WNT16: variants seen among roughly 807,000 people sequenced by gnomAD.
The protein encoded by WNT16 is protein Wnt-16.
WNT16 carries 20 observed loss-of-function variants against 35.4 expected under a neutral mutation model. The observed-to-expected ratio is 0.56, with a 90% confidence interval of 0.40 to 0.82. The LOEUF (loss-of-function observed/expected upper bound fraction) is 0.82, where lower values mean the gene tolerates loss of function less well. Among genes scored for constraint, WNT16 ranks in the 40% least tolerant of loss-of-function variants. The probability of loss-of-function intolerance (pLI) is 0.00; values close to 1 mark genes in which losing one functional copy is unlikely to be tolerated. For missense variants in WNT16, 461 were observed against 466.0 expected, an observed-to-expected ratio of 0.99 and a Z score of 0.10; for synonymous variants, 180 against 179.2, an observed-to-expected ratio of 1.00 and a Z score of -0.03.
chr7:121,325,503 GAACAA>G, upstream of WNT16: 1 of 1,606,458 alleles, frequency 6.2e-7, no homozygotes, highest in Non-Finnish European at 8.5e-7. Context: ...TATTTTTGGA[GAACAA>G]AACAACTTTT....
chr7:121,338,514 G>A (rs1284531008), intron 3 of WNT16, among the ~76,000 whole-genome samples: 2 of 152,152 alleles, frequency 1.3e-5, no homozygotes, highest in Non-Finnish European at 2.9e-5. Context: ...AATGGTATCA[G>A]GAACATACAG....
intron 3 of WNT16, among the ~76,000 whole-genome samples, chr7:121,333,202 T>G (rs1584677798): frequency 6.6e-6 from 1 of 152,084 alleles, no homozygotes; most frequent in East Asian, 1.9e-4. Context: ...TATCTCTTAG[T>G]AATCTTAAAA....
intron 3 of WNT16, among the ~76,000 whole-genome samples, chr7:121,335,566 C>T (rs1793430366): frequency 6.6e-6 from 1 of 152,028 alleles, no homozygotes; most frequent in African/African-American, 2.4e-5. Flanking sequence ...ACACAGCACT[C>T]ATTCCTTTGC....
rs1793312847 is a variant in WNT16, at chr7:121,329,958, A to C, written c.346+141A>C. On this transcript the variant is annotated intron_variant, in intron 2 of 3. Transcript: ENST00000222462. ...GAAGCCCTTTAGTGCACGGGGATTG[A>C]GAGCTACAAAGGCCAGACCTGGGGA... is the stretch of plus-strand genomic sequence containing the variant. The C allele has an allele frequency of 9.9e-6, 13 of 1,318,364 alleles. 1 individual carries two copies. In the South Asian group the frequency reaches 1.8e-4, roughly 18 times the overall value. The allele number at this position is 1,318,364 out of a possible 1,614,324, so 81.7% of individuals were successfully genotyped here.
In WNT16 at chr7:121,329,752, TCAC is replaced by T. The variant is rs1391109906; in HGVS notation, c.283_285del (p.Thr95del). 2 of 1,608,744 alleles carry T rather than the reference TCAC, an allele frequency of 1.2e-6. No individual in the cohort carries two copies. Among genetic ancestry groups the T allele is most frequent in the African/African-American group, 1.3e-5 (1 of 74,902 alleles). On this transcript the variant is annotated inframe_deletion, in exon 2 of 4. Transcript: ENST00000222462. ...AGACACGAGAGATGGAACTGCATGA[TCAC>T]CGCCGCCGCCACTACCGCCCCGATG...
chr7:121,329,847 G>T, intron 2 of WNT16, 30 bp downstream of exon 2: 1 of 1,590,488 alleles, frequency 6.3e-7, no homozygotes, highest in South Asian at 1.1e-5. Context: ...GGGTTGGTGG[G>T]GGACGGAAGG....
chr7:121,331,056 G>A (rs186088091), intron 2 of WNT16, among the ~76,000 whole-genome samples: 3 of 152,274 alleles, frequency 2.0e-5, no homozygotes, highest in Admixed American at 2.0e-4. Context: ...CTTTAAGACT[G>A]TAAGAGGAGT....
intron 3 of WNT16, among the ~76,000 whole-genome samples, chr7:121,335,986 T>G (rs13242558): frequency 2.9e-5 from 4 of 140,296 alleles, no homozygotes; most frequent in Admixed American, 1.5e-4. Flanking sequence ...GAATTAAACT[T>G]TGTGTGTGTG....
chr7:121,325,810 G>T (rs1340278137), upstream of WNT16, among the ~76,000 whole-genome samples: 1 of 152,034 alleles, frequency 6.6e-6, no homozygotes, highest in Admixed American at 6.6e-5. Flanking sequence ...GGAGGCTGAG[G>T]CAGGAGGATT....
chr7:121,335,958 C>A (rs931390355), intron 3 of WNT16, among the ~76,000 whole-genome samples: 1 of 150,258 alleles, frequency 6.7e-6, no homozygotes, highest in African/African-American at 2.5e-5. Context: ...CTCTGAGAAG[C>A]AGAATTCTAA....
At chr7:121,330,706 CG>C (rs1793330607) in intron 2 of WNT16, among the ~76,000 whole-genome samples, 1 of 115,324 alleles carries the variant, frequency 8.7e-6, no homozygotes, top group Non-Finnish European at 1.7e-5. Context: ...CCCTGGTCCC[CG>C]TAGAGAGAAA....
At chr7:121,333,930 C>T (rs569524561) in intron 3 of WNT16, among the ~76,000 whole-genome samples, 14 of 151,946 alleles carry the variant, frequency 9.2e-5, no homozygotes, top group South Asian at 4.1e-4. Context: ...TAGTAACATT[C>T]GGCAGCTATT....
At position 121,329,227 on chromosome 7, in the gene WNT16, C is replaced by T. The variant is rs1793294101; in HGVS notation, c.-66C>T. 4.9e-5 allele frequency: 72 copies of T among 1,466,482 alleles called. No individual in the cohort carries two copies. The highest frequency in any genetic ancestry group is 6.3e-5 in the Non-Finnish European group (70 of 1,110,592). 90.8% of individuals were successfully genotyped at this position (1,466,482 alleles called of 1,614,324 possible). A position where few individuals can be genotyped will look rare whatever the true frequency, so the allele number is the denominator to read the frequency against. ...GGTGCTGGACAACTGACCTGCGGCC[C>T]GAAGGGCCTCTGGGGAGGGGGTGCA... On this transcript the variant is annotated 5_prime_UTR_variant, in exon 1 of 4. Coordinates refer to ENST00000222462, the MANE Select transcript of WNT16 (RefSeq NM_057168.2).
upstream of WNT16, among the ~76,000 whole-genome samples, chr7:121,328,116 C>A (rs544325861): frequency 2.6e-5 from 4 of 152,192 alleles, no homozygotes; most frequent in Non-Finnish European, 5.9e-5. Context: ...AATGTGTCTT[C>A]CATGTGTAGC....
chr7:121,325,533 GA>G, upstream of WNT16: 1 of 1,558,138 alleles, frequency 6.4e-7, no homozygotes, highest in Non-Finnish European at 8.8e-7. Context: ...TGTTTCAATG[GA>G]GAGATCTGTG....
At chr7:121,334,143 T>G (rs1365772144) in intron 3 of WNT16, among the ~76,000 whole-genome samples, 1 of 152,112 alleles carries the variant, frequency 6.6e-6, no homozygotes, top group Non-Finnish European at 1.5e-5. Flanking sequence ...CTAACTAGCT[T>G]GAAAACAATT....
rs764373597 is a variant in WNT16 at position 121,339,136 on chromosome 7, G to T, written c.889G>T (p.Asp297Tyr). The T allele has an allele frequency of 1.2e-6, 2 of 1,614,100 alleles. No homozygotes were observed. Among genetic ancestry groups the T allele is most frequent in the African/African-American group, 1.3e-5 (1 of 74,954 alleles). The change falls in exon 4 of 4, where the codon GAT becomes TAT. Residue 297 changes from aspartate to tyrosine, a missense_variant. Transcript: ENST00000222462. ...VNKSPNYCVE[D>Y]KKLGIPGTQG... Reference sequence around the variant, plus strand: ...TAAGTCTCCCAACTACTGTGTAGAAGATAAGAAACTGGGAATCCCAGGGAC... The same window carrying T: ...TAAGTCTCCCAACTACTGTGTAGAATATAAGAAACTGGGAATCCCAGGGAC...
At chr7:121,331,649 T>A in intron 2 of WNT16, 29 bp from the exon 3 acceptor site, 2 of 1,594,252 alleles carry the variant, frequency 1.3e-6, no homozygotes, top group Non-Finnish European at 1.7e-6. Context: ...TGCCTGGTTC[T>A]CTAATTTAGC....
chr7:121,337,704 A>G (rs1194268416), intron 3 of WNT16, among the ~76,000 whole-genome samples: 1 of 152,150 alleles, frequency 6.6e-6, no homozygotes, highest in Non-Finnish European at 1.5e-5. Context: ...TGAAATCTCT[A>G]TATTGTTTTT....
Sources: allele counts gnomAD v4.1 joint callset (sites outside exome capture counted in the v4.1 genomes callset), GRCh38; gene constraint gnomAD v4.1.1; transcripts MANE v1.5; gene names NCBI Gene and HGNC (gene_info 2026-07-23, HGNC 2026-07-21).